The following RARB variants were observed in gnomAD, a reference collection of about 807,000 sequenced individuals.
RARB encodes the protein retinoic acid receptor beta.
RARB carries 17 observed loss-of-function variants against 51.9 expected under a neutral mutation model. The ratio of observed to expected loss-of-function variants is 0.33; its 90% CI spans 0.22 to 0.49. RARB has a LOEUF of 0.49. Ranked by LOEUF, RARB falls within the 20% of genes least tolerant of loss-of-function variation. The pLI, the probability that RARB is intolerant of heterozygous loss-of-function variation, is 0.99. For synonymous variants in RARB, 215 were observed against 195.4 expected, an observed-to-expected ratio of 1.10 and a Z score of -0.84; for missense variants, 369 against 550.8, an observed-to-expected ratio of 0.67 and a Z score of 3.30.
intron 3 of RARB, among the ~76,000 whole-genome samples, chr3:25,066,254 GTTGT>G (rs1330705610): frequency 2.6e-5 from 4 of 152,136 alleles, no homozygotes; most frequent in Non-Finnish European, 4.4e-5. Context: ...TTCATAAGAG[GTTGT>G]TTATTTTGAT....
chr3:25,266,069 C>T (rs1466394561), intron 5 of RARB, among the ~76,000 whole-genome samples: 2 of 152,160 alleles, frequency 1.3e-5, no homozygotes, highest in Admixed American at 6.6e-5. Flanking sequence ...TTGGGTCCAT[C>T]TGCATAATCC....
chr3:25,090,429 CAATATAT>C (rs1249853687), intron 3 of RARB, among the ~76,000 whole-genome samples: 3 of 152,102 alleles, frequency 2.0e-5, no homozygotes, highest in Non-Finnish European at 4.4e-5. Flanking sequence ...TGCCTGTGTT[CAATATAT>C]AACTTCCAAA....
At chr3:24,897,992 A>C (rs1703514810) in intron 2 of RARB, among the ~76,000 whole-genome samples, 1 of 152,182 alleles carries the variant, frequency 6.6e-6, no homozygotes. Context: ...AAGTTAGTCC[A>C]ACTTCTTTCA....
intron 2 of RARB, among the ~76,000 whole-genome samples, chr3:24,954,161 C>G (rs1225762469): frequency 6.6e-6 from 1 of 152,156 alleles, no homozygotes; most frequent in Non-Finnish European, 1.5e-5. Flanking sequence ...AATTCTAACA[C>G]TCCTGCCAGA....
intron 5 of RARB, among the ~76,000 whole-genome samples, chr3:25,303,106 G>T (rs949985353): frequency 1.3e-5 from 2 of 152,102 alleles, no homozygotes; most frequent in African/African-American, 4.8e-5. Flanking sequence ...TTCTTTCTCA[G>T]TAGGCTCCTT....
intron 5 of RARB, among the ~76,000 whole-genome samples, chr3:25,312,036 A>G (rs773387410): frequency 6.6e-5 from 10 of 152,220 alleles, no homozygotes; most frequent in Non-Finnish European, 1.2e-4. Flanking sequence ...CTTATGTTCA[A>G]AATATGGGTT....
intron 5 of RARB, among the ~76,000 whole-genome samples, chr3:25,417,951 C>T (rs1707752172): frequency 6.7e-6 from 1 of 149,606 alleles, no homozygotes; most frequent in South Asian, 2.1e-4. Context: ...TTCTTTCCAT[C>T]TTGTGGCCTT....
intron 3 of RARB, among the ~76,000 whole-genome samples, chr3:25,561,814 A>G (rs1700280641): frequency 6.6e-6 from 1 of 152,180 alleles, no homozygotes; most frequent in South Asian, 2.1e-4. Flanking sequence ...CTGTTATTTA[A>G]TATTTGAAAG....
At chr3:25,034,866 C>A (rs745348324) in intron 2 of RARB, among the ~76,000 whole-genome samples, 1 of 152,190 alleles carries the variant, frequency 6.6e-6, no homozygotes, top group Admixed American at 6.5e-5. Flanking sequence ...CATTGGAGTG[C>A]CATTTCCATG....
rs1694947264 is a variant in RARB at position 24,909,679 on chromosome 3, T to C, written c.-380+50927T>C. Among the ~76,000 whole-genome samples, 4 of 152,134 alleles carry C rather than the reference T, an allele frequency of 2.6e-5. 1 individual carries two copies. The South Asian group carries it at 6.2e-4, about 24-fold the overall frequency. ...TGTTAGTCCTTCTATATGTCAGTTTTATTTACTAGGGATTCATCCTGTCTT... is the reference window on the plus strand; with the variant it reads ...TGTTAGTCCTTCTATATGTCAGTTTCATTTACTAGGGATTCATCCTGTCTT... On this transcript the variant is annotated intron_variant, in intron 2 of 11. Coordinates refer to the RARB transcript ENST00000383772.
chr3:25,443,291 C>A (rs1575408579), intron 1 of RARB, among the ~76,000 whole-genome samples: 1 of 151,998 alleles, frequency 6.6e-6, no homozygotes, highest in Non-Finnish European at 1.5e-5. Context: ...GGCAAACTGG[C>A]CTGAAAACAT....
At chr3:25,076,698 AT>A (rs921947176) in intron 3 of RARB, among the ~76,000 whole-genome samples, 3 of 152,146 alleles carry the variant, frequency 2.0e-5, no homozygotes, top group African/African-American at 7.2e-5. Context: ...TGAAAAACAA[AT>A]TTTTTGTTTT....
At chr3:25,395,636 TG>T (rs1412810176) in intron 5 of RARB, among the ~76,000 whole-genome samples, 3 of 152,166 alleles carry the variant, frequency 2.0e-5, no homozygotes, top group African/African-American at 7.2e-5. Flanking sequence ...TGGGTTAATT[TG>T]AAAGCCCTGT....
At chr3:25,383,515 T>C (rs891914862) in intron 5 of RARB, among the ~76,000 whole-genome samples, 25 of 152,272 alleles carry the variant, frequency 1.6e-4, no homozygotes, top group African/African-American at 6.0e-4. Context: ...ATGGTCACCA[T>C]CAGCATCTGC....
At chr3:25,513,443 A>G (rs956847505) in intron 3 of RARB, among the ~76,000 whole-genome samples, 6 of 152,232 alleles carry the variant, frequency 3.9e-5, no homozygotes. Flanking sequence ...ACGTGAACTT[A>G]AAGTGAAATA....
chr3:25,565,300 C>G (rs1421981202), intron 3 of RARB, among the ~76,000 whole-genome samples: 3 of 152,118 alleles, frequency 2.0e-5, no homozygotes, highest in African/African-American at 7.2e-5. Context: ...GATATCTACT[C>G]TATTAGGTTG....
intron 2 of RARB, among the ~76,000 whole-genome samples, chr3:24,958,258 T>TTGTTTTTTG (rs1212536640): frequency 4.3e-5 from 3 of 69,808 alleles, no homozygotes; most frequent in Non-Finnish European, 7.7e-5. Flanking sequence ...TGCTCAGGTT[T>TTGTTTTTTG]TTTTTTTTTT....
intron 2 of RARB, among the ~76,000 whole-genome samples, chr3:25,029,880 C>T (rs1026658366): frequency 6.6e-6 from 1 of 152,176 alleles, no homozygotes; most frequent in Admixed American, 6.5e-5. Context: ...TTTCATAGAA[C>T]ACTGGGCCCA....
intron 2 of RARB, among the ~76,000 whole-genome samples, chr3:25,049,047 C>G (rs115054009): frequency 0.059 from 8,951 of 152,220 alleles, 451 homozygotes; most frequent in East Asian, 0.19. Context: ...CCACCGCGCC[C>G]AGCTCCAAGA....
Sources: allele counts gnomAD v4.1 joint callset (sites outside exome capture counted in the v4.1 genomes callset), GRCh38; gene constraint gnomAD v4.1.1; transcripts MANE v1.5; gene names NCBI Gene and HGNC (gene_info 2026-07-23, HGNC 2026-07-21).